The following NUTM2F variants were observed in gnomAD, a reference collection of about 807,000 sequenced individuals.
NUTM2F encodes the protein family with sequence similarity 22, member F.
In NUTM2F, 22 loss-of-function variants were observed where a neutral mutation model predicts 43.3. The observed-to-expected ratio is 0.51, with a 90% CI of 0.36 to 0.73. The LOEUF is 0.73. NUTM2F is among the 30% of genes least tolerant of loss of function. The pLI, the probability that NUTM2F is intolerant of heterozygous loss-of-function variation, is 0.00. For synonymous variants in NUTM2F, 202 were observed against 389.0 expected (o/e 0.52, Z 5.66); for missense variants, 488 against 927.4 (o/e 0.53, Z 6.15).
Position 94,319,020 on chromosome 9 carries a change from G to A in NUTM2F, c.1716C>T (p.Ser572=), listed in dbSNP as rs377558125. 9 of 1,600,730 alleles carry A rather than the reference G, an allele frequency of 5.6e-6. No homozygotes were observed. Among genetic ancestry groups the A allele is most frequent in the East Asian group, 2.2e-5 (1 of 44,498 alleles). Residue 572 remains serine (S), a synonymous_variant, in exon 7 of 7, where the codon TCC becomes TCT. Coordinates refer to ENST00000253262, the MANE Select transcript of NUTM2F (RefSeq NM_017561.2). The part of the protein sequence containing the change: ...QGRVRTGMAR[S]EDPAVLLGCQ... The stretch of plus-strand genomic sequence containing the variant: ...ATCCCAAAAGCACAGCAGGGTCTTC[G>A]GACCTGGCCATGCCAGTGCGCACTC...
In NUTM2F at chr9:94,319,606, G is replaced by T; in HGVS notation, c.1485+7C>A. 6.2e-7 allele frequency: 1 copy of T among 1,612,424 alleles called. No homozygotes were observed. The highest frequency in any genetic ancestry group is 8.5e-7 in the Non-Finnish European group (1 of 1,179,854). On this transcript the variant is annotated splice_region_variant and intron_variant, in intron 6 of 6. Transcript: ENST00000253262. Reference sequence around the variant, plus strand: ...GTACCTGGGTTCCCCTCCCTCCGCTGCTCTACCTGGGCAAGGGTGAGTCCT... The same window carrying T: ...GTACCTGGGTTCCCCTCCCTCCGCTTCTCTACCTGGGCAAGGGTGAGTCCT...
chr9:94,324,223 T>G (rs1437775024), intron 2 of NUTM2F, among the ~76,000 whole-genome samples: 4 of 151,634 alleles, frequency 2.6e-5, no homozygotes, highest in Non-Finnish European at 4.4e-5. Flanking sequence ...TGAGCCAAGA[T>G]CTCACCATTG....
At chr9:94,321,672 C>T (rs1156441450) in intron 3 of NUTM2F, among the ~76,000 whole-genome samples, 1 of 144,702 alleles carries the variant, frequency 6.9e-6, no homozygotes, top group African/African-American at 2.6e-5. Flanking sequence ...GCCCAGAGGA[C>T]AGGGCCCGTT....
chr9:94,324,428 C>G (rs561687813), intron 2 of NUTM2F, among the ~76,000 whole-genome samples: 2 of 147,716 alleles, frequency 1.4e-5, no homozygotes, highest in Non-Finnish European at 3.0e-5. Context: ...TTTGGGAGGC[C>G]GAGGCGGGCG....
chr9:94,319,490 G>T (rs1331025665), intron 6 of NUTM2F, 123 bp downstream of exon 6: 3 of 898,170 alleles, frequency 3.3e-6, no homozygotes, highest in Non-Finnish European at 5.4e-6. Flanking sequence ...TTCCCACCCC[G>T]GAGTGGCTCC....
Position 94,318,730 on chromosome 9 carries a change from C to G in NUTM2F, c.2006G>C (p.Gly669Ala). ...CTGAAGAGCTCCCTGGGGTCCTCTC[C>G]CTCCTGGGCTGAGAAGGCCCGAGGA... Reference protein sequence around the residue: ...VPSSGLLSPGGRGPQGALQSP... With the variant: ...VPSSGLLSPGARGPQGALQSP... The change falls in exon 7 of 7, where the codon GGG becomes GCG. Residue 669 changes from glycine (G) to alanine (A), a missense_variant. By Grantham distance (60) the Gly-to-Ala change is moderately conservative. Coordinates refer to ENST00000253262, the MANE Select transcript of NUTM2F (RefSeq NM_017561.2). 1 of 1,594,834 alleles carries G rather than the reference C, an allele frequency of 6.3e-7. No homozygotes were observed. Among genetic ancestry groups the G allele is most frequent in the Non-Finnish European group, 8.5e-7 (1 of 1,169,936 alleles).
Position 94,325,465 on chromosome 9 carries a change from C to CGGT in NUTM2F, c.483_485dup (p.Pro162dup), listed in dbSNP as rs774900326. ...ACACGATGGGGGCCACCTGGGCAGC[C>CGGT]GGTGGTGGTGGTGGAAGAGGAAGGC... On this transcript the variant is annotated inframe_insertion, in exon 2 of 7. Coordinates refer to ENST00000253262, the MANE Select transcript of NUTM2F (RefSeq NM_017561.2). 1 of 1,096,666 alleles carries CGGT rather than the reference C, an allele frequency of 9.1e-7. No individual in the cohort carries two copies. The allele number at this position is 1,096,666 out of a possible 1,614,324, so 67.9% of individuals were successfully genotyped here.
At chr9:94,324,712 G>A (rs921921815) in intron 2 of NUTM2F, among the ~76,000 whole-genome samples, 6 of 148,330 alleles carry the variant, frequency 4.0e-5, no homozygotes, top group African/African-American at 1.3e-4. Flanking sequence ...GTATTGGGGC[G>A]GGGCATGATG....
chr9:94,320,941 C>T lies in NUTM2F; in HGVS notation c.982+152G>A, dbSNP rs1831355351. Among the ~76,000 whole-genome samples, 1 of 152,236 alleles carries T rather than the reference C, an allele frequency of 6.6e-6. No individual in the cohort carries two copies. On this transcript the variant is annotated intron_variant, in intron 4 of 6. Coordinates refer to ENST00000253262, the MANE Select transcript of NUTM2F (RefSeq NM_017561.2). The surrounding 1 kb of genome is among the most constrained non-coding windows in gnomAD (Gnocchi z 4.5). Reference sequence around the variant, plus strand: ...GGGCCACCCATGAAGTAGGTATTCACCTGGTCAATACCCAACATACACTCC... The same window carrying T: ...GGGCCACCCATGAAGTAGGTATTCATCTGGTCAATACCCAACATACACTCC...
At position 94,322,420 on chromosome 9, in the gene NUTM2F, A is replaced by T. The variant is rs1223890790; in HGVS notation, c.714-91T>A. 9.8e-6 allele frequency: 15 copies of T among 1,536,786 alleles called. No homozygotes were observed. In the African/African-American group the frequency reaches 1.9e-4, roughly 20 times the overall value. On this transcript the variant is annotated intron_variant, in intron 2 of 6. Transcript: ENST00000253262. ...AACACCTGGCTCCTGTCCTCCCCAC[A>T]CCTGTCCTGCCATCTGTCCCTGTCC...
chr9:94,322,115 T>C (rs2769782), intron 3 of NUTM2F, 86 bp downstream of exon 3: 1,140,328 of 1,512,568 alleles, frequency 0.75, 436,614 homozygotes, highest in East Asian at 1. Flanking sequence ...TCATGCTCCA[T>C]GCTGAGAAGC....
At chr9:94,323,267 G>A (rs1247506218) in intron 2 of NUTM2F, among the ~76,000 whole-genome samples, 1 of 152,196 alleles carries the variant, frequency 6.6e-6, no homozygotes, top group African/African-American at 2.4e-5. Context: ...GGGTGTGGGG[G>A]CAGCGAGACT....
Position 94,320,490 on chromosome 9 carries a change from C to T in NUTM2F, c.1086G>A (p.Arg362=). The T allele has an allele frequency of 6.2e-7, 1 of 1,611,320 alleles. No individual in the cohort carries two copies. Among genetic ancestry groups the T allele is most frequent in the Non-Finnish European group, 8.5e-7 (1 of 1,179,480 alleles). ...AETKAHLPPP[R]PQRPAETNAH... is the part of the protein sequence containing the mutation. ...CGTTGGTCTCCGCTGGCCTCTGGGG[C>T]CTGGGTGGTGGCAGGTGGGCCTTGG... Residue 362 remains arginine (R), a synonymous_variant, in exon 5 of 7, where the codon AGG becomes AGA. Transcript: ENST00000253262. This position sits in a 1 kb window ranked among gnomAD's most constrained non-coding sequence, Gnocchi z 4.5.
intron 2 of NUTM2F, 53 bp from the exon 3 acceptor site, chr9:94,322,382 C>G: frequency 6.2e-7 from 1 of 1,608,376 alleles, no homozygotes; most frequent in Non-Finnish European, 8.5e-7. Context: ...CCATCCCGGG[C>G]CCACCTGGTC....
chr9:94,325,110 C>G, intron 2 of NUTM2F, 128 bp downstream of exon 2: 1 of 954,444 alleles, frequency 1.0e-6, no homozygotes, highest in Non-Finnish European at 1.6e-6. Context: ...ACGTACCTTC[C>G]CATAGCACAA....
chr9:94,324,311 A>T (rs1205428321), intron 2 of NUTM2F, among the ~76,000 whole-genome samples: 1 of 151,534 alleles, frequency 6.6e-6, no homozygotes, highest in African/African-American at 2.4e-5. Context: ...ACCGTGGCTC[A>T]TGTCACACCA....
chr9:94,319,542 C>T (rs1831328113), intron 6 of NUTM2F, 71 bp downstream of exon 6: 12 of 1,599,546 alleles, frequency 7.5e-6, no homozygotes, highest in Middle Eastern at 2.2e-4. Flanking sequence ...CTTAGACAAT[C>T]GGGTGGGCCT....
chr9:94,319,736 A>G lies in NUTM2F; in HGVS notation c.1369-7T>C, dbSNP rs1301300354. 1.2e-6 allele frequency: 2 copies of G among 1,607,208 alleles called. No individual in the cohort carries two copies. Among genetic ancestry groups the G allele is most frequent in the African/African-American group, 1.3e-5 (1 of 74,730 alleles). On this transcript the variant is annotated splice_polypyrimidine_tract_variant and splice_region_variant and intron_variant, in intron 5 of 6. Transcript: ENST00000253262. ...GGTGAATGACGGCCTCCACCTGGAA[A>G]CAGAAGGAAGAAGGTGTGAACTTCC...
rs1375695952 is a variant in NUTM2F at position 94,320,017 on chromosome 9, C to G, written c.1368+191G>C. Among the ~76,000 whole-genome samples the G allele has an allele frequency of 6.6e-6, 1 of 152,202 alleles. No homozygotes were observed. Among genetic ancestry groups the G allele is most frequent in the Non-Finnish European group, 1.5e-5 (1 of 68,020 alleles). Reference sequence around the variant, plus strand: ...CCACACTCACACCCACACAGACACACAAAGACACAGTAACAAATCACAGAC... The same window carrying G: ...CCACACTCACACCCACACAGACACAGAAAGACACAGTAACAAATCACAGAC... On this transcript the variant is annotated intron_variant, in intron 5 of 6. Coordinates refer to ENST00000253262, the MANE Select transcript of NUTM2F (RefSeq NM_017561.2). This position sits in a 1 kb window ranked among gnomAD's most constrained non-coding sequence, Gnocchi z 4.5.
Sources: allele counts gnomAD v4.1 joint callset (sites outside exome capture counted in the v4.1 genomes callset), GRCh38; gene constraint gnomAD v4.1.1; non-coding constraint Gnocchi (gnomAD v3.1); transcripts MANE v1.5; gene names NCBI Gene and HGNC (gene_info 2026-07-23, HGNC 2026-07-21).